PTPRD: variants seen among roughly 807,000 people sequenced by gnomAD.
PTPRD encodes the protein receptor-type tyrosine-protein phosphatase delta.
A neutral mutation model predicts 214.5 loss-of-function variants in PTPRD; 34 were observed. The observed-to-expected ratio is 0.16, with a 90% CI of 0.12 to 0.21. The LOEUF (loss-of-function observed/expected upper bound fraction) is 0.21, where lower values mean the gene tolerates loss of function less well. Among genes scored for constraint, PTPRD ranks in the 10% least tolerant of loss-of-function variants. The pLI is 1.00. For missense variants in PTPRD, 2,545 were observed against 2,398.7 expected (o/e 1.06, Z -1.27); for synonymous variants, 1,128 against 845.7 (o/e 1.33, Z -5.79).
chr9:9,709,335 A>G (rs1450186833), intron 7 of PTPRD, among the ~76,000 whole-genome samples: 1 of 151,980 alleles, frequency 6.6e-6, no homozygotes, highest in African/African-American at 2.4e-5. Context: ...GACTTTCTAT[A>G]ACTTTCTCAA....
At chr9:10,439,515 A>G (rs772874849) in intron 2 of PTPRD, among the ~76,000 whole-genome samples, 1 of 151,864 alleles carries the variant, frequency 6.6e-6, no homozygotes, top group Non-Finnish European at 1.5e-5. Flanking sequence ...TTGGACACAT[A>G]TTTAAGGGTG....
chr9:10,462,075 G>A (rs2131328664), intron 2 of PTPRD, among the ~76,000 whole-genome samples: 1 of 152,220 alleles, frequency 6.6e-6, no homozygotes, highest in Non-Finnish European at 1.5e-5. Context: ...TTAACACATT[G>A]AGAGATTTAA....
At chr9:8,894,375 A>T (rs917359599) in intron 11 of PTPRD, among the ~76,000 whole-genome samples, 1 of 145,206 alleles carries the variant, frequency 6.9e-6, no homozygotes, top group Admixed American at 6.9e-5. Context: ...AAAAAAAAAA[A>T]GTCTGCAACT....
At chr9:9,748,655 C>T (rs1179077152) in intron 6 of PTPRD, among the ~76,000 whole-genome samples, 1 of 152,158 alleles carries the variant, frequency 6.6e-6, no homozygotes, top group Non-Finnish European at 1.5e-5. Flanking sequence ...ACCCACACTA[C>T]TTGGGAATCA....
intron 3 of PTPRD, among the ~76,000 whole-genome samples, chr9:10,175,951 T>C (rs2099245928): frequency 1.3e-5 from 2 of 152,108 alleles, no homozygotes; most frequent in African/African-American, 4.8e-5. Context: ...TTTTGTACTT[T>C]TGGCTGCAAA....
intron 9 of PTPRD, among the ~76,000 whole-genome samples, chr9:9,193,435 G>A (rs1173476996): frequency 6.6e-6 from 1 of 152,090 alleles, no homozygotes; most frequent in Non-Finnish European, 1.5e-5. Flanking sequence ...CTTGATGATA[G>A]GAATACATTC....
intron 5 of PTPRD, among the ~76,000 whole-genome samples, chr9:9,906,353 C>G (rs2077564593): frequency 6.6e-6 from 1 of 151,936 alleles, no homozygotes. Flanking sequence ...CAACTTCACT[C>G]TATACTCAAT....
intron 3 of PTPRD, among the ~76,000 whole-genome samples, chr9:10,133,240 C>A (rs35938847): frequency 1.3e-5 from 2 of 151,984 alleles, no homozygotes; most frequent in East Asian, 3.9e-4. Context: ...CAGAGGAGAA[C>A]TGAAACAGCA....
At chr9:8,408,553 G>C (rs575791836) in intron 35 of PTPRD, among the ~76,000 whole-genome samples, 1 of 152,106 alleles carries the variant, frequency 6.6e-6, no homozygotes, top group South Asian at 2.1e-4. Flanking sequence ...TTAAGTAAAA[G>C]TTGATTAATA....
intron 39 of PTPRD, among the ~76,000 whole-genome samples, chr9:8,371,821 T>C (rs192266724): frequency 7.9e-4 from 120 of 152,206 alleles, no homozygotes; most frequent in Middle Eastern, 3.4e-3. Flanking sequence ...GTTGAAATTC[T>C]AGACCAGATA....
At chr9:10,543,875 C>G (rs1447709574) in intron 2 of PTPRD, among the ~76,000 whole-genome samples, 3 of 152,080 alleles carry the variant, frequency 2.0e-5, no homozygotes, top group African/African-American at 4.8e-5. Context: ...AGAGGTATAT[C>G]CAAGTGCTAA....
intron 3 of PTPRD, among the ~76,000 whole-genome samples, chr9:10,044,348 T>G (rs527525987): frequency 1.1e-4 from 17 of 151,832 alleles, no homozygotes; most frequent in Non-Finnish European, 1.9e-4. Flanking sequence ...ATTTAAAAAT[T>G]GTTCAGCGAT....
chr9:9,829,220 C>T (rs2054001813), intron 5 of PTPRD, among the ~76,000 whole-genome samples: 1 of 151,754 alleles, frequency 6.6e-6, no homozygotes, highest in East Asian at 1.9e-4. Context: ...AAACTGGTAG[C>T]ATGTATAACA....
intron 10 of PTPRD, among the ~76,000 whole-genome samples, chr9:9,157,415 T>C (rs1007480793): frequency 6.6e-6 from 1 of 151,520 alleles, no homozygotes; most frequent in African/African-American, 2.4e-5. Flanking sequence ...CTCAAATAAA[T>C]AAAATAAAAA....
At chr9:8,840,392 A>G (rs2097535176) in intron 11 of PTPRD, among the ~76,000 whole-genome samples, 1 of 152,214 alleles carries the variant, frequency 6.6e-6, no homozygotes, top group Non-Finnish European at 1.5e-5. Context: ...CCATGTAAGA[A>G]GTAGCTTGCT....
chr9:9,675,054 T>C (rs954625535), intron 7 of PTPRD, among the ~76,000 whole-genome samples: 1 of 151,918 alleles, frequency 6.6e-6, no homozygotes, highest in Non-Finnish European at 1.5e-5. Flanking sequence ...ATTCAAAATT[T>C]ATAAAACCTC....
chr9:10,205,091 G>C (rs182282256), intron 3 of PTPRD, among the ~76,000 whole-genome samples: 2 of 152,060 alleles, frequency 1.3e-5, no homozygotes, highest in Non-Finnish European at 1.5e-5. Context: ...CCAGCCATAT[G>C]CCTTATCTAT....
At chr9:10,319,978 T>C (rs1035107114) in intron 3 of PTPRD, among the ~76,000 whole-genome samples, 2 of 152,052 alleles carry the variant, frequency 1.3e-5, no homozygotes, top group East Asian at 1.9e-4. Context: ...ACACCAAATG[T>C]CATTTCTCAT....
intron 3 of PTPRD, among the ~76,000 whole-genome samples, chr9:10,188,571 G>A (rs113342918): frequency 0.011 from 1,640 of 150,446 alleles, 27 homozygotes; most frequent in South Asian, 0.037. Context: ...TAGATAAATA[G>A]TATCTTTTTT....
Sources: allele counts gnomAD v4.1 joint callset (sites outside exome capture counted in the v4.1 genomes callset), GRCh38; gene constraint gnomAD v4.1.1; transcripts MANE v1.5; gene names NCBI Gene and HGNC (gene_info 2026-07-23, HGNC 2026-07-21).